Variants in RPS8 observed in about 807,000 individuals in gnomAD.
RPS8 encodes the protein ribosomal protein S8.
For missense variants in RPS8, 141 were observed against 269.7 expected, an observed-to-expected ratio of 0.52 and a Z score of 3.34; for synonymous variants, 100 against 100.7, an observed-to-expected ratio of 0.99 and a Z score of 0.04.
In RPS8 at chr1:44,778,667, G is replaced by A; in HGVS notation, c.609G>A (p.Lys203=). The change falls in exon 6 of 6, where the codon AAG becomes AAA. Residue 203 remains lysine (K), a synonymous_variant. Coordinates refer to ENST00000396651, the MANE Select transcript of RPS8 (RefSeq NM_001012.2). The stretch of plus-strand genomic sequence containing the variant: ...TGGAGTTCTATCTTAGGAAAATCAA[G>A]GCCCGCAAAGGCAAATAAATCCTTG... ...KELEFYLRKI[K]ARKGK The A allele has an allele frequency of 6.2e-7, 1 of 1,609,382 alleles. No homozygotes were observed. Among genetic ancestry groups the A allele is most frequent in the South Asian group, 1.1e-5 (1 of 90,694 alleles).
intron 1 of RPS8, 83 bp downstream of exon 1, chr1:44,775,683 T>C (rs2148842107): frequency 6.4e-7 from 1 of 1,561,186 alleles, no homozygotes; most frequent in Non-Finnish European, 8.8e-7. Context: ...TACTGAGGAG[T>C]CCAGACGCCC....
At position 44,776,667 on chromosome 1, in the gene RPS8, T is replaced by C; in HGVS notation, c.112-8T>C. ...GTAACCTAGTTCCTGTAACCTTGTG[T>C]TTTCCAGATTGGCCCCCGCCGCATC... On this transcript the variant is annotated splice_polypyrimidine_tract_variant and splice_region_variant and intron_variant, in intron 2 of 5. Transcript: ENST00000396651. The C allele has an allele frequency of 1.9e-6, 3 of 1,613,518 alleles. No homozygotes were observed. The highest frequency in any genetic ancestry group is 2.5e-6 in the Non-Finnish European group (3 of 1,179,504).
rs1196754325 is a variant in RPS8 at position 44,778,176 on chromosome 1, G to A, written c.517+47G>A. The A allele has an allele frequency of 1.9e-6, 3 of 1,587,752 alleles. No homozygotes were observed. In the East Asian group the frequency reaches 6.8e-5, roughly 36 times the overall value. On this transcript the variant is annotated intron_variant, in intron 5 of 5. Coordinates refer to ENST00000396651, the MANE Select transcript of RPS8 (RefSeq NM_001012.2). ...AGGTGGGGAGTCGCAGAGATTGAGTGTGCCGAGGCACTTTTCCCTTGTCTC... is the reference window on the plus strand; with the variant it reads ...AGGTGGGGAGTCGCAGAGATTGAGTATGCCGAGGCACTTTTCCCTTGTCTC...
chr1:44,776,887 C>A, intron 3 of RPS8, 113 bp downstream of exon 3: 1 of 685,920 alleles, frequency 1.5e-6, no homozygotes. Flanking sequence ...GTTGGGAGGC[C>A]GAGGCGGGCG....
intron 4 of RPS8, 58 bp downstream of exon 4, chr1:44,777,847 G>A (rs888003379): frequency 6.9e-6 from 11 of 1,593,468 alleles, no homozygotes; most frequent in Admixed American, 3.3e-5. Flanking sequence ...CAGCCTTCTC[G>A]TGATGAAAAC....
chr1:44,776,726 T>C lies in RPS8; in HGVS notation c.163T>C (p.Tyr55His). 6.2e-7 allele frequency: 1 copy of C among 1,613,408 alleles called. No homozygotes were observed. The highest frequency in any genetic ancestry group is 2.2e-5 in the East Asian group (1 of 44,860). ...CCGTGTGCGGGGAGGTAACAAGAAA[T>C]ACCGTGCCCTGAGGTTGGACGTGGG... is the stretch of plus-strand genomic sequence containing the variant. ...TVRVRGGNKK[Y>H]RALRLDVGNF... The change falls in exon 3 of 6, where the codon TAC (tyrosine) becomes CAC (histidine). Residue 55 changes from tyrosine (Y) to histidine (H), a missense_variant. Transcript: ENST00000396651.
chr1:44,778,411 C>G (rs758059233), intron 5 of RPS8, 165 bp from the exon 6 acceptor site: 1 of 811,810 alleles, frequency 1.2e-6, no homozygotes, highest in Non-Finnish European at 2.2e-6. Context: ...AAAACTTTGT[C>G]CAGTTCTGCT....
chr1:44,777,854 A>T, intron 4 of RPS8, 65 bp downstream of exon 4: 1 of 1,590,298 alleles, frequency 6.3e-7, no homozygotes, highest in Non-Finnish European at 8.6e-7. Flanking sequence ...CTCGTGATGA[A>T]AACTCTGTCC....
chr1:44,778,629 G>C lies in RPS8; in HGVS notation c.571G>C (p.Glu191Gln). 6.2e-7 allele frequency: 1 copy of C among 1,613,678 alleles called. No homozygotes were observed. Among genetic ancestry groups the C allele is most frequent in the Non-Finnish European group, 8.5e-7 (1 of 1,179,936 alleles). The change falls in exon 6 of 6, where the codon GAG (glutamate) becomes CAG (glutamine). Residue 191 changes from glutamate to glutamine, a missense_variant. Glu to Gln is a conservative substitution (Grantham distance 29). Coordinates refer to ENST00000396651, the MANE Select transcript of RPS8 (RefSeq NM_001012.2). Reference sequence around the variant, plus strand: ...TGGCCGAGCAGATGGCTATGTGCTAGAGGGCAAAGAGTTGGAGTTCTATCT... The same window carrying C: ...TGGCCGAGCAGATGGCTATGTGCTACAGGGCAAAGAGTTGGAGTTCTATCT... ...QCGRADGYVL[E>Q]GKELEFYLRK...
At chr1:44,775,952 G>A (rs757214395) in intron 1 of RPS8, 82 bp from the exon 2 acceptor site, 2 of 1,352,426 alleles carry the variant, frequency 1.5e-6, no homozygotes, top group Admixed American at 1.7e-5. Context: ...CGACCGGCCC[G>A]GCGCGGGGGT....
chr1:44,776,002 G>T (rs1157893026), intron 1 of RPS8, 32 bp from the exon 2 acceptor site: 2 of 1,602,858 alleles, frequency 1.2e-6, no homozygotes, highest in South Asian at 2.2e-5. Context: ...AGTCACAGTG[G>T]CTCAAGCTTC....
chr1:44,778,341 C>T (rs201847423), intron 5 of RPS8: 3 of 821,256 alleles, frequency 3.7e-6, no homozygotes, highest in Non-Finnish European at 6.5e-6. Flanking sequence ...TAGGCCCGTG[C>T]TTGGAGTCTT....
At chr1:44,776,460 C>T in intron 2 of RPS8, 1 of 759,858 alleles carries the variant, frequency 1.3e-6, no homozygotes, top group South Asian at 1.4e-5. Flanking sequence ...TAATTTTCAG[C>T]ATTTGGGGTC....
intron 3 of RPS8, chr1:44,777,083 C>G (rs1445959049): frequency 3.8e-6 from 1 of 263,108 alleles, no homozygotes; most frequent in Non-Finnish European, 7.3e-6. Context: ...CTGCTCCAAT[C>G]TCTTTTTTTG....
At position 44,776,059 on chromosome 1, in the gene RPS8, G is replaced by A. The variant is rs1241699818; in HGVS notation, c.30G>A (p.Lys10=). ...GCATCTCTCGGGACAACTGGCACAA[G>A]CGCCGCAAAACCGGGGGCAAGAGAA... MGISRDNWH[K]RRKTGGKRKP... is the part of the protein sequence containing the mutation. The change falls in exon 2 of 6, where the codon AAG becomes AAA. Residue 10 remains lysine (K), a synonymous_variant. Transcript: ENST00000396651. The A allele has an allele frequency of 6.2e-7, 1 of 1,611,830 alleles. No homozygotes were observed. Among genetic ancestry groups the A allele is most frequent in the Non-Finnish European group, 8.5e-7 (1 of 1,179,436 alleles).
In RPS8 at chr1:44,776,745, A is replaced by G; in HGVS notation, c.182A>G (p.Asp61Gly). 6.2e-7 allele frequency: 1 copy of G among 1,611,308 alleles called. No homozygotes were observed. Among genetic ancestry groups the G allele is most frequent in the Non-Finnish European group, 8.5e-7 (1 of 1,179,176 alleles). ...GNKKYRALRL[D>G]VGNFSWGSEC... is the part of the protein sequence containing the mutation. ...AAGAAATACCGTGCCCTGAGGTTGGACGTGGGGAATTTCTCCTGGGGCTCA... is the reference window on the plus strand; with the variant it reads ...AAGAAATACCGTGCCCTGAGGTTGGGCGTGGGGAATTTCTCCTGGGGCTCA... Residue 61 changes from aspartate to glycine, a missense_variant, in exon 3 of 6, where the codon GAC (aspartate) becomes GGC (glycine). Asp to Gly is a moderately conservative substitution (Grantham distance 94). Transcript: ENST00000396651.
intron 1 of RPS8, 131 bp downstream of exon 1, chr1:44,775,731 C>G (rs1650821904): frequency 7.9e-7 from 1 of 1,273,686 alleles, no homozygotes; most frequent in South Asian, 1.2e-5. Flanking sequence ...GAGTGGTGGC[C>G]CTCGGGTTTC....
chr1:44,777,350 C>T (rs1361180224), intron 3 of RPS8: 4 of 426,374 alleles, frequency 9.4e-6, no homozygotes, highest in African/African-American at 6.0e-5. Context: ...GGGTTACGGG[C>T]GTGAGTCACC....
Position 44,776,150 on chromosome 1 carries a change from A to C in RPS8, c.111+10A>C, listed in dbSNP as rs1258806353. ...AGCTGCCAACACCAAGGTGGGTGCG[A>C]GCGTGGGCCTGTCCGCCTGGGAGGT... is the stretch of plus-strand genomic sequence containing the variant. On this transcript the variant is annotated intron_variant, in intron 2 of 5. Coordinates refer to ENST00000396651, the MANE Select transcript of RPS8 (RefSeq NM_001012.2). 1.3e-6 allele frequency: 2 copies of C among 1,578,062 alleles called. No individual in the cohort carries two copies. The highest frequency in any genetic ancestry group is 1.7e-6 in the Non-Finnish European group (2 of 1,163,934).
Sources: allele counts gnomAD v4.1 joint callset, GRCh38; gene constraint gnomAD v4.1.1; transcripts MANE v1.5; gene names NCBI Gene and HGNC (gene_info 2026-07-23, HGNC 2026-07-21).